Variants in KCNG3 observed in about 807,000 individuals in gnomAD.
KCNG3 encodes voltage-gated potassium channel regulatory subunit KCNG3.
A neutral mutation model predicts 29.0 loss-of-function variants in KCNG3; 15 were observed. The observed-to-expected ratio is 0.52, with a 90% CI of 0.35 to 0.80. The LOEUF (loss-of-function observed/expected upper bound fraction) is 0.80, where lower values mean the gene tolerates loss of function less well. Ranked by LOEUF, KCNG3 falls within the 30% of genes least tolerant of loss-of-function variation. The pLI, the probability that KCNG3 is intolerant of heterozygous loss-of-function variation, is 0.01. For synonymous variants in KCNG3, 322 were observed against 248.9 expected, an observed-to-expected ratio of 1.29 and a Z score of -2.76; for missense variants, 512 against 605.7, an observed-to-expected ratio of 0.85 and a Z score of 1.62.
chr2:42,443,898 T>G lies in KCNG3; in HGVS notation c.*36A>C. ...AAATATGAAGCAGCATCAAAGTCTT[T>G]CTATGAAGTGTATGCAAGAATTGAT... is the stretch of plus-strand genomic sequence containing the variant. On this transcript the variant is annotated 3_prime_UTR_variant, in exon 2 of 2. Transcript: ENST00000306078. 1 of 1,556,284 alleles carries G rather than the reference T, an allele frequency of 6.4e-7. No individual in the cohort carries two copies.
chr2:42,432,934 T>TAA, the KCNG3 span, among the ~76,000 whole-genome samples: 12 of 132,756 alleles, frequency 9.0e-5, no homozygotes, highest in Non-Finnish European at 1.3e-4. Flanking sequence ...GCTTTTATGA[T>TAA]AAAAAAAAAA....
downstream of KCNG3, among the ~76,000 whole-genome samples, chr2:42,438,105 A>C (rs1470852291): frequency 1.3e-5 from 2 of 152,196 alleles, no homozygotes; most frequent in Non-Finnish European, 2.9e-5. Flanking sequence ...GAATTCCATC[A>C]GAGTTATAAG....
downstream of KCNG3, chr2:42,440,477 T>C (rs1438174520): frequency 1.5e-5 from 1 of 65,514 alleles, no homozygotes; most frequent in East Asian, 4.6e-4. Flanking sequence ...TTGTCTGTTT[T>C]CTTTAAAAAA....
downstream of KCNG3, among the ~76,000 whole-genome samples, chr2:42,437,303 T>C (rs1038679371): frequency 2.0e-5 from 3 of 152,160 alleles, no homozygotes; most frequent in African/African-American, 7.2e-5. Context: ...AAGTCGAATC[T>C]TAGAAAGAAA....
At chr2:42,437,990 A>C (rs1672403974), downstream of KCNG3, among the ~76,000 whole-genome samples, 1 of 152,078 alleles carries the variant, frequency 6.6e-6, no homozygotes, top group Non-Finnish European at 1.5e-5. Context: ...TCACATAATA[A>C]ACGTTCCATT....
chr2:42,398,505 G>A, the KCNG3 span, among the ~76,000 whole-genome samples: 1 of 152,124 alleles, frequency 6.6e-6, no homozygotes, highest in East Asian at 1.9e-4. Context: ...ACTCAGAATG[G>A]CTTTGATAAG....
the KCNG3 span, among the ~76,000 whole-genome samples, chr2:42,433,568 G>A: frequency 7.9e-5 from 12 of 152,104 alleles, no homozygotes; most frequent in African/African-American, 2.4e-4. Flanking sequence ...GTGAAATCCC[G>A]TCTCTACTAA....
At chr2:42,463,361 T>C (rs964105596) in intron 1 of KCNG3, 1 of 161,620 alleles carries the variant, frequency 6.2e-6, no homozygotes, top group Non-Finnish European at 1.3e-5. Context: ...GAAGTGAGTG[T>C]TACTGTTTCC....
intron 1 of KCNG3, among the ~76,000 whole-genome samples, chr2:42,484,606 G>T (rs1399052488): frequency 6.6e-6 from 1 of 152,198 alleles, no homozygotes; most frequent in Non-Finnish European, 1.5e-5. Context: ...AAAGTTTCTC[G>T]AAGAATACCC....
At chr2:42,447,037 T>C (rs1356469778) in intron 1 of KCNG3, among the ~76,000 whole-genome samples, 1 of 148,632 alleles carries the variant, frequency 6.7e-6, no homozygotes, top group Non-Finnish European at 1.5e-5. Context: ...TGAGCCATGA[T>C]CACACCACTG....
Position 42,443,941 on chromosome 2 carries a change from A to C in KCNG3, c.1304T>G (p.Leu435Arg). The part of the protein sequence containing the change: ...RYSRSLSTEF[L>R]N ...GAATTGATTTGCAATGCATTAATTC[A>C]GGAATTCAGTGGAGAGGCTCCTACT... Residue 435 changes from leucine to arginine, a missense_variant, in exon 2 of 2, where the codon CTG becomes CGG. By Grantham distance (102) the Leu-to-Arg change is moderately radical. Transcript: ENST00000306078. 6.2e-7 allele frequency: 1 copy of C among 1,602,412 alleles called. No homozygotes were observed. Among genetic ancestry groups the C allele is most frequent in the East Asian group, 2.2e-5 (1 of 44,782 alleles).
At chr2:42,489,129 G>A (rs1405937861) in intron 1 of KCNG3, among the ~76,000 whole-genome samples, 2 of 148,670 alleles carry the variant, frequency 1.3e-5, no homozygotes, top group African/African-American at 4.9e-5. Flanking sequence ...ACCCCATATC[G>A]AACTCCTGAC....
intron 1 of KCNG3, among the ~76,000 whole-genome samples, chr2:42,487,797 T>G (rs1347121881): frequency 6.6e-6 from 1 of 152,122 alleles, no homozygotes; most frequent in Non-Finnish European, 1.5e-5. Flanking sequence ...ATAAAAGAAG[T>G]AAAATATATA....
the KCNG3 span, among the ~76,000 whole-genome samples, chr2:42,397,180 G>A: frequency 6.6e-6 from 1 of 151,522 alleles, no homozygotes; most frequent in African/African-American, 2.4e-5. Context: ...GGAGGTGGAG[G>A]TTACAGCGAG....
intron 1 of KCNG3, chr2:42,462,994 T>C (rs572282528): frequency 6.5e-6 from 1 of 153,488 alleles, no homozygotes; most frequent in African/African-American, 2.4e-5. Flanking sequence ...AAGGTAGCAC[T>C]CTTTGAATCA....
intron 1 of KCNG3, among the ~76,000 whole-genome samples, chr2:42,480,109 G>A (rs966947511): frequency 2.0e-5 from 3 of 152,164 alleles, no homozygotes; most frequent in Non-Finnish European, 4.4e-5. Context: ...AAAAGCCCCT[G>A]TTCTACCAGA....
chr2:42,458,111 T>C (rs1287455146), intron 1 of KCNG3, among the ~76,000 whole-genome samples: 1 of 152,156 alleles, frequency 6.6e-6, no homozygotes, highest in Non-Finnish European at 1.5e-5. Context: ...ACTATTTTGT[T>C]TCCTCATGCT....
chr2:42,428,526 T>A, the KCNG3 span, among the ~76,000 whole-genome samples: 3 of 148,746 alleles, frequency 2.0e-5, no homozygotes, highest in Non-Finnish European at 4.4e-5. Context: ...TCTACCAAAC[T>A]CTCAGTGACA....
At chr2:42,418,104 A>C in the KCNG3 span, among the ~76,000 whole-genome samples, 4 of 152,172 alleles carry the variant, frequency 2.6e-5, no homozygotes, top group Non-Finnish European at 5.9e-5. Flanking sequence ...ATGTTGTTTA[A>C]CCATCACCAC....
Sources: gnomAD v4.1 joint callset for allele counts (sites outside exome capture counted in the v4.1 genomes callset) on GRCh38, gnomAD v4.1.1 for gene constraint, MANE v1.5 for transcripts, NCBI Gene and HGNC (gene_info 2026-07-23, HGNC 2026-07-21) for gene names.